The following SPAG16 variants were observed in gnomAD, a reference collection of about 807,000 sequenced individuals.
The protein encoded by SPAG16 is sperm associated antigen 16.
Under a neutral mutation model 80.4 loss-of-function variants are expected in SPAG16, and 86 were observed. The ratio of observed to expected loss-of-function variants is 1.07; its 90% confidence interval spans 0.90 to 1.28. The LOEUF is 1.28. Among genes scored for constraint, SPAG16 ranks in the 50% most tolerant of loss-of-function variants. SPAG16 has a pLI of 0.00. For synonymous variants in SPAG16, 294 were observed against 265.9 expected (o/e 1.11, Z -1.03); for missense variants, 870 against 765.3 (o/e 1.14, Z -1.61).
intron 15 of SPAG16, among the ~76,000 whole-genome samples, chr2:214,190,070 T>C (rs1559116947): frequency 6.6e-6 from 1 of 152,104 alleles, no homozygotes; most frequent in African/African-American, 2.4e-5. Flanking sequence ...TCTTTCCTTT[T>C]TCTCTTTTTA....
intron 7 of SPAG16, among the ~76,000 whole-genome samples, chr2:213,354,683 T>G (rs1047147649): frequency 1.3e-5 from 2 of 152,216 alleles, no homozygotes; most frequent in Non-Finnish European, 2.9e-5. Context: ...CATAAATGTC[T>G]TCTTTTGAGA....
chr2:214,336,023 C>G (rs1697267992), intron 15 of SPAG16, among the ~76,000 whole-genome samples: 1 of 152,092 alleles, frequency 6.6e-6, no homozygotes, highest in South Asian at 2.1e-4. Flanking sequence ...TCCCAAAGTG[C>G]TGGGATTATG....
chr2:213,709,071 A>G (rs1299401257), intron 10 of SPAG16, among the ~76,000 whole-genome samples: 2 of 152,184 alleles, frequency 1.3e-5, no homozygotes, highest in African/African-American at 4.8e-5. Context: ...TGGGGCAGAC[A>G]CTTTGGTAAA....
chr2:213,982,315 A>G (rs2045790378), intron 12 of SPAG16, among the ~76,000 whole-genome samples: 1 of 152,042 alleles, frequency 6.6e-6, no homozygotes, highest in Admixed American at 6.6e-5. Flanking sequence ...TAGTCTTTCT[A>G]ATATTTGCTC....
intron 9 of SPAG16, among the ~76,000 whole-genome samples, chr2:213,447,356 G>T (rs887941468): frequency 1.3e-5 from 2 of 152,134 alleles, no homozygotes; most frequent in Admixed American, 6.5e-5. Context: ...TCGGAAACTG[G>T]CTATCGCCAT....
chr2:213,726,667 A>G (rs959788402), intron 10 of SPAG16, among the ~76,000 whole-genome samples: 2 of 152,244 alleles, frequency 1.3e-5, no homozygotes, highest in Non-Finnish European at 2.9e-5. Flanking sequence ...TGAACATTTC[A>G]AGAGCTAGAA....
At chr2:214,375,292 G>T (rs1574441338) in intron 15 of SPAG16, among the ~76,000 whole-genome samples, 2 of 152,164 alleles carry the variant, frequency 1.3e-5, no homozygotes, top group African/African-American at 2.4e-5. Flanking sequence ...TAGAAAATGT[G>T]GAAGTTGAAG....
intron 15 of SPAG16, among the ~76,000 whole-genome samples, chr2:214,338,244 G>A (rs1013341178): frequency 6.6e-6 from 1 of 152,134 alleles, no homozygotes; most frequent in African/African-American, 2.4e-5. Context: ...AGCCAAGTGT[G>A]GTGGCTCACG....
rs1691639397 is a variant in SPAG16 at position 214,267,197 on chromosome 2, A to AGAT, written c.1720+117932_1720+117934dup. ...AAAAAGATTAAAAAGATTAAAAAATAGATAAAAAGATAAAAGCTGGAGGCA... is the reference window on the plus strand; with the variant it reads ...AAAAAGATTAAAAAGATTAAAAAATAGATGATAAAAAGATAAAAGCTGGAGGCA... On this transcript the variant is annotated intron_variant, in intron 15 of 15. Coordinates refer to ENST00000331683, the MANE Select transcript of SPAG16 (RefSeq NM_024532.5). Among the ~76,000 whole-genome samples the AGAT allele has an allele frequency of 2.0e-5, 3 of 151,948 alleles. No homozygotes were observed. In the South Asian group the frequency reaches 6.2e-4, roughly 31 times the overall value.
intron 10 of SPAG16, among the ~76,000 whole-genome samples, chr2:213,503,791 A>G (rs550507493): frequency 6.6e-6 from 1 of 152,236 alleles, no homozygotes; most frequent in Non-Finnish European, 1.5e-5. Flanking sequence ...AATTAAATAA[A>G]TTAAAATGTG....
At chr2:214,211,641 A>ACT in intron 15 of SPAG16, among the ~76,000 whole-genome samples, 1 of 152,150 alleles carries the variant, frequency 6.6e-6, no homozygotes, top group South Asian at 2.1e-4. Context: ...CCCTGACTAG[A>ACT]GAGGGGACCT....
At chr2:213,952,261 G>A (rs768412808) in intron 12 of SPAG16, among the ~76,000 whole-genome samples, 57 of 151,928 alleles carry the variant, frequency 3.8e-4, no homozygotes, top group Non-Finnish European at 6.2e-4. Context: ...TAAAGGGCAT[G>A]GTAGAATGCA....
chr2:213,633,657 C>T (rs1477482575), intron 10 of SPAG16, among the ~76,000 whole-genome samples: 2 of 152,066 alleles, frequency 1.3e-5, no homozygotes, highest in Non-Finnish European at 2.9e-5. Context: ...TTGGGACTAT[C>T]TCTCTCTTTA....
intron 15 of SPAG16, among the ~76,000 whole-genome samples, chr2:214,401,858 ATG>A (rs1701727003): frequency 6.6e-6 from 1 of 152,116 alleles, no homozygotes; most frequent in East Asian, 1.9e-4. Context: ...TTGCTAGTGT[ATG>A]TGTTACGTGT....
intron 15 of SPAG16, among the ~76,000 whole-genome samples, chr2:214,269,035 T>C (rs1463778966): frequency 6.6e-6 from 1 of 152,022 alleles, no homozygotes; most frequent in Non-Finnish European, 1.5e-5. Context: ...AATCAGCTAT[T>C]TGTCTTTTCA....
At chr2:213,370,567 A>T (rs996231448) in intron 8 of SPAG16, among the ~76,000 whole-genome samples, 1 of 130,372 alleles carries the variant, frequency 7.7e-6, no homozygotes, top group Admixed American at 7.0e-5. Flanking sequence ...AATAGTCTGA[A>T]AAAGAATATA....
intron 15 of SPAG16, among the ~76,000 whole-genome samples, chr2:214,349,229 CAAAT>C (rs1308704057): frequency 6.6e-6 from 1 of 152,048 alleles, no homozygotes; most frequent in African/African-American, 2.4e-5. Flanking sequence ...ACAAAAAGAA[CAAAT>C]AAAATGTGAA....
At chr2:213,755,050 G>T (rs917504307) in intron 10 of SPAG16, among the ~76,000 whole-genome samples, 7 of 152,126 alleles carry the variant, frequency 4.6e-5, no homozygotes, top group African/African-American at 1.4e-4. Flanking sequence ...AAGGCATAGG[G>T]ATCAAATGAT....
At chr2:213,973,496 C>T (rs1303973133) in intron 12 of SPAG16, among the ~76,000 whole-genome samples, 1 of 152,110 alleles carries the variant, frequency 6.6e-6, no homozygotes, top group African/African-American at 2.4e-5. Context: ...CCCTGCTCTG[C>T]TCCTTCCAGA....
Sources: gnomAD v4.1 joint callset for allele counts (sites outside exome capture counted in the v4.1 genomes callset) on GRCh38, gnomAD v4.1.1 for gene constraint, MANE v1.5 for transcripts, NCBI Gene and HGNC (gene_info 2026-07-23, HGNC 2026-07-21) for gene names.